The following RASSF5 variants were observed in gnomAD, a reference collection of about 807,000 sequenced individuals.
RASSF5 encodes ras association domain-containing protein 5.
A neutral mutation model predicts 40.5 loss-of-function variants in RASSF5; 25 were observed. That is an observed-to-expected ratio of 0.62 (90% CI 0.45 to 0.86). The LOEUF is 0.86. Ranked by LOEUF, RASSF5 falls within the 40% of genes least tolerant of loss-of-function variation. The pLI is 0.00. For synonymous variants in RASSF5, 246 were observed against 252.4 expected, an observed-to-expected ratio of 0.97 and a Z score of 0.24; for missense variants, 521 against 572.8, an observed-to-expected ratio of 0.91 and a Z score of 0.92.
rs538220743 is a variant in RASSF5 at position 206,587,731 on chromosome 1, C to T, written c.*753C>T. The stretch of plus-strand genomic sequence containing the variant: ...CAACAAACTGTTCGTTTTTAAGTTA[C>T]AAATTTGAATTTAATGTTGTCATCA... On this transcript the variant is annotated 3_prime_UTR_variant, in exon 6 of 6. Transcript: ENST00000579436. 2 of 152,426 alleles carry T rather than the reference C, an allele frequency of 1.3e-5. No homozygotes were observed. The highest frequency in any genetic ancestry group is 2.9e-5 in the Non-Finnish European group (2 of 68,066). 9.4% of individuals were successfully genotyped at this position (152,426 alleles called of 1,614,324 possible). A position where few individuals can be genotyped will look rare whatever the true frequency, so the allele number is the denominator to read the frequency against.
intron 2 of RASSF5, among the ~76,000 whole-genome samples, chr1:206,568,099 G>A (rs1246207349): frequency 6.6e-6 from 1 of 152,138 alleles, no homozygotes; most frequent in Non-Finnish European, 1.5e-5. Flanking sequence ...CATGACAGCA[G>A]TACCATCTTG....
intron 2 of RASSF5, among the ~76,000 whole-genome samples, chr1:206,574,574 C>T (rs782191961): frequency 6.6e-6 from 1 of 152,202 alleles, no homozygotes; most frequent in African/African-American, 2.4e-5. Flanking sequence ...GCTCAAATTC[C>T]ACATGGAGCA....
intron 2 of RASSF5, among the ~76,000 whole-genome samples, chr1:206,565,153 T>C: frequency 6.6e-6 from 1 of 152,146 alleles, no homozygotes; most frequent in East Asian, 1.9e-4. Context: ...CCACCTTCAA[T>C]ACCTCAGGGG....
At chr1:206,550,073 G>A (rs1232483578) in intron 2 of RASSF5, among the ~76,000 whole-genome samples, 1 of 152,098 alleles carries the variant, frequency 6.6e-6, no homozygotes, top group African/African-American at 2.4e-5. Context: ...GCTTCAGGGG[G>A]TTTTCCAGGC....
At chr1:206,556,515 G>A (rs952479758) in intron 2 of RASSF5, among the ~76,000 whole-genome samples, 1 of 152,186 alleles carries the variant, frequency 6.6e-6, no homozygotes, top group Admixed American at 6.5e-5. Flanking sequence ...CTCAATGTTA[G>A]GAATGACAAG....
chr1:206,510,044 C>T (rs188874234), intron 1 of RASSF5, among the ~76,000 whole-genome samples: 4 of 152,242 alleles, frequency 2.6e-5, no homozygotes, highest in Admixed American at 6.5e-5. Flanking sequence ...AAAGGAGTCT[C>T]TGTTTGTCAT....
chr1:206,546,264 A>G (rs897547523), intron 2 of RASSF5, among the ~76,000 whole-genome samples: 20 of 150,344 alleles, frequency 1.3e-4, no homozygotes, highest in Non-Finnish European at 2.4e-4. Context: ...GCACCACCAC[A>G]CCTGGCTGAC....
At chr1:206,515,137 A>G (rs1553395231) in intron 1 of RASSF5, among the ~76,000 whole-genome samples, 1 of 152,218 alleles carries the variant, frequency 6.6e-6, no homozygotes, top group African/African-American at 2.4e-5. Flanking sequence ...GAGTTTACTT[A>G]TCCATCTGCT....
At chr1:206,533,747 C>T (rs1553398253) in intron 1 of RASSF5, among the ~76,000 whole-genome samples, 1 of 151,672 alleles carries the variant, frequency 6.6e-6, no homozygotes, top group African/African-American at 2.4e-5. Flanking sequence ...AGAGTGAGAC[C>T]CTGTCTTAAA....
intron 1 of RASSF5, among the ~76,000 whole-genome samples, chr1:206,517,860 G>A (rs1666790750): frequency 6.6e-6 from 1 of 152,148 alleles, no homozygotes; most frequent in Non-Finnish European, 1.5e-5. Context: ...CCCTCTTAAA[G>A]CAACACCACC....
At chr1:206,534,645 A>C (rs1239132424) in intron 1 of RASSF5, among the ~76,000 whole-genome samples, 3 of 152,152 alleles carry the variant, frequency 2.0e-5, no homozygotes, top group African/African-American at 7.2e-5. Flanking sequence ...TAGTTGAGCA[A>C]GCTTCCTAGG....
intron 1 of RASSF5, among the ~76,000 whole-genome samples, chr1:206,527,489 C>T (rs940997944): frequency 8.5e-5 from 13 of 152,094 alleles, no homozygotes; most frequent in African/African-American, 2.9e-4. Flanking sequence ...GGTTCCAAGT[C>T]TCGCAGATAT....
chr1:206,561,101 G>A (rs1450631929), intron 2 of RASSF5, among the ~76,000 whole-genome samples: 1 of 152,194 alleles, frequency 6.6e-6, no homozygotes, highest in Non-Finnish European at 1.5e-5. Context: ...CAGGACTCTG[G>A]CACCGGCCCA....
rs529561493 is a variant in RASSF5 at position 206,561,820 on chromosome 1, C to A, written c.580-21449C>A. Among the ~76,000 whole-genome samples the A allele has an allele frequency of 3.4e-4, 50 of 147,572 alleles. 1 individual carries two copies. In the East Asian group the frequency reaches 8.0e-3, roughly 24 times the overall value. ...AGCTGAGATTACAGGCACCCACCACCACACCCAGCTAAGTTTTGTGTTTTT... is the reference window on the plus strand; with the variant it reads ...AGCTGAGATTACAGGCACCCACCACAACACCCAGCTAAGTTTTGTGTTTTT... On this transcript the variant is annotated intron_variant, in intron 2 of 5. Transcript: ENST00000579436.
intron 2 of RASSF5, among the ~76,000 whole-genome samples, chr1:206,577,203 G>T (rs1668688518): frequency 6.6e-6 from 1 of 152,156 alleles, no homozygotes; most frequent in Non-Finnish European, 1.5e-5. Context: ...AGACTGCGTG[G>T]CCTGCAAAAC....
rs1667470696 is a variant in RASSF5 at position 206,538,386 on chromosome 1, G to A, written c.579+93G>A. ...TCCCAGGAGCTCTGGTGAGCAGGAG[G>A]TGGCATGAGGCCTCAGATTCCACAT... On this transcript the variant is annotated intron_variant, in intron 2 of 5. Transcript: ENST00000579436. The A allele has an allele frequency of 4.5e-6, 7 of 1,540,108 alleles. No individual in the cohort carries two copies. In the South Asian group the frequency reaches 7.1e-5, roughly 16 times the overall value.
chr1:206,587,253 C>G lies in RASSF5; in HGVS notation c.*275C>G. On this transcript the variant is annotated 3_prime_UTR_variant, in exon 6 of 6. Transcript: ENST00000579436. ...GTCCTCTCTCGATCTGCAAGCCTTTCACCAACCAAATAGTTGCCTCTCTCG... is the reference window on the plus strand; with the variant it reads ...GTCCTCTCTCGATCTGCAAGCCTTTGACCAACCAAATAGTTGCCTCTCTCG... 2.4e-6 allele frequency: 1 copy of G among 411,524 alleles called. No individual in the cohort carries two copies. Among genetic ancestry groups the G allele is most frequent in the South Asian group, 2.2e-5 (1 of 46,228 alleles). 25.5% of individuals were successfully genotyped at this position (411,524 alleles called of 1,614,324 possible). A position where few individuals can be genotyped will look rare whatever the true frequency, so the allele number is the denominator to read the frequency against.
chr1:206,522,528 G>C (rs1666934988), intron 1 of RASSF5, among the ~76,000 whole-genome samples: 1 of 152,120 alleles, frequency 6.6e-6, no homozygotes, highest in African/African-American at 2.4e-5. Flanking sequence ...CATTTGGCTT[G>C]CTCGCCCCAG....
chr1:206,507,690 G>C lies in RASSF5; in HGVS notation c.88G>C (p.Gly30Arg). Residue 30 changes from glycine (G) to arginine (R), a missense_variant, in exon 1 of 6, where the codon GGC becomes CGC. By Grantham distance (125) the Gly-to-Arg change is moderately radical. Transcript: ENST00000579436. ...GCCGCGCTATCTACAGAGCCTGAGCGGCCCCGAGCTACCGCCGCCGCCCCC... is the reference window on the plus strand; with the variant it reads ...GCCGCGCTATCTACAGAGCCTGAGCCGCCCCGAGCTACCGCCGCCGCCCCC... ...EPPRYLQSLSGPELPPPPPDR... is the reference protein window; with the variant it reads ...EPPRYLQSLSRPELPPPPPDR... 1 of 1,500,112 alleles carries C rather than the reference G, an allele frequency of 6.7e-7. No individual in the cohort carries two copies. Among genetic ancestry groups the C allele is most frequent in the South Asian group, 1.3e-5 (1 of 79,678 alleles). The allele number at this position is 1,500,112 out of a possible 1,614,324, so 92.9% of individuals were successfully genotyped here. A position where few individuals can be genotyped will look rare whatever the true frequency, so the allele number is the denominator to read the frequency against.
Sources: allele counts gnomAD v4.1 joint callset (sites outside exome capture counted in the v4.1 genomes callset), GRCh38; gene constraint gnomAD v4.1.1; transcripts MANE v1.5; gene names NCBI Gene and HGNC (gene_info 2026-07-23, HGNC 2026-07-21).